Variants in HDAC9 observed in about 807,000 individuals in gnomAD.
HDAC9 encodes the protein MEF-2 interacting transcription repressor (MITR) protein.
Under a neutral mutation model 139.4 loss-of-function variants are expected in HDAC9, and 41 were observed. The observed-to-expected ratio is 0.29, with a 90% confidence interval of 0.23 to 0.38. The LOEUF (loss-of-function observed/expected upper bound fraction) is 0.38. HDAC9 is among the 10% of genes least tolerant of loss of function. HDAC9 has a pLI of 1.00. For synonymous variants in HDAC9, 517 were observed against 476.2 expected (o/e 1.09, Z -1.12); for missense variants, 1,147 against 1,297.0 (o/e 0.88, Z 1.78).
chr7:18,817,802 C>T (rs1327627437), intron 17 of HDAC9, among the ~76,000 whole-genome samples: 1 of 152,122 alleles, frequency 6.6e-6, no homozygotes, highest in African/African-American at 2.4e-5. Context: ...GTTCTGGCTG[C>T]TTTCAACCCT....
intron 21 of HDAC9, among the ~76,000 whole-genome samples, chr7:18,869,659 G>GGACACCCAGCA (rs1166898011): frequency 4.6e-5 from 7 of 152,136 alleles, no homozygotes; most frequent in African/African-American, 1.7e-4. Context: ...CTGAATTGGA[G>GGACACCCAGCA]GACACCCAGC....
At chr7:18,405,877 G>A (rs948666989) in intron 1 of HDAC9, among the ~76,000 whole-genome samples, 3 of 152,286 alleles carry the variant, frequency 2.0e-5, no homozygotes, top group Non-Finnish European at 4.4e-5. Context: ...CTGCTTAGTT[G>A]CCTGTGGTTT....
intron 2 of HDAC9, among the ~76,000 whole-genome samples, chr7:18,534,248 A>G (rs886509554): frequency 7.2e-5 from 11 of 152,154 alleles, no homozygotes; most frequent in Admixed American, 1.3e-4. Flanking sequence ...GTTTGTGTGT[A>G]TGTGGTTAGA....
At chr7:18,906,313 T>A (rs1023059824) in intron 22 of HDAC9, among the ~76,000 whole-genome samples, 1 of 151,996 alleles carries the variant, frequency 6.6e-6, no homozygotes, top group Non-Finnish European at 1.5e-5. Context: ...CCTGGCTAAT[T>A]TTTGTATTTT....
intron 22 of HDAC9, among the ~76,000 whole-genome samples, chr7:18,885,333 G>C (rs966340255): frequency 3.3e-5 from 5 of 152,174 alleles, no homozygotes; most frequent in African/African-American, 1.2e-4. Context: ...TATAATACCT[G>C]CCAGTGATGT....
At chr7:18,583,157 T>C (rs1350206067) in intron 2 of HDAC9, among the ~76,000 whole-genome samples, 5 of 152,206 alleles carry the variant, frequency 3.3e-5, no homozygotes, top group Non-Finnish European at 7.3e-5. Flanking sequence ...CTACTTACTA[T>C]TGATGGTTTA....
intron 1 of HDAC9, among the ~76,000 whole-genome samples, chr7:18,482,324 ACT>A (rs1795619426): frequency 7.3e-6 from 1 of 136,198 alleles, no homozygotes; most frequent in South Asian, 2.6e-4. Flanking sequence ...CAGGAGAATC[ACT>A]TCAGCCTAGG....
chr7:18,414,025 A>G (rs1585726560), intron 1 of HDAC9, among the ~76,000 whole-genome samples: 1 of 152,304 alleles, frequency 6.6e-6, no homozygotes, highest in East Asian at 1.9e-4. Flanking sequence ...TCAGAAGGAA[A>G]TTAGAAGGCC....
chr7:18,642,066 T>C (rs185264261), intron 8 of HDAC9, among the ~76,000 whole-genome samples: 1 of 152,214 alleles, frequency 6.6e-6, no homozygotes, highest in Admixed American at 6.5e-5. Flanking sequence ...TTATCTGTAA[T>C]CCAAGGAGAT....
At chr7:18,643,408 A>G (rs912848104) in intron 8 of HDAC9, among the ~76,000 whole-genome samples, 8 of 152,142 alleles carry the variant, frequency 5.3e-5, no homozygotes, top group Non-Finnish European at 1.2e-4. Context: ...TCCTTTAAGA[A>G]GTAACAAAAT....
chr7:18,742,557 G>A (rs751642821), intron 13 of HDAC9, among the ~76,000 whole-genome samples: 1 of 152,000 alleles, frequency 6.6e-6, no homozygotes, highest in South Asian at 2.1e-4. Flanking sequence ...TGCTTTATTC[G>A]GATGATTTGG....
At chr7:18,782,968 A>T (rs759818588) in intron 16 of HDAC9, among the ~76,000 whole-genome samples, 2 of 152,110 alleles carry the variant, frequency 1.3e-5, no homozygotes, top group Admixed American at 1.3e-4. Context: ...AATGTCAATG[A>T]TGTCCTTGCC....
At chr7:18,720,293 A>C (rs900676120) in intron 12 of HDAC9, among the ~76,000 whole-genome samples, 1 of 151,806 alleles carries the variant, frequency 6.6e-6, no homozygotes, top group African/African-American at 2.4e-5. Flanking sequence ...TATTTTCTTA[A>C]AGTTTGCATT....
intron 18 of HDAC9, 86 bp from the exon 19 acceptor site, chr7:18,829,375 A>C: frequency 8.5e-7 from 1 of 1,176,788 alleles, no homozygotes; most frequent in Non-Finnish European, 1.3e-6. Flanking sequence ...ATCATATAGC[A>C]TTTAAAAAAA....
In HDAC9 at chr7:18,997,044, C is replaced by T. The variant is rs139547001; in HGVS notation, c.*982C>T. On this transcript the variant is annotated 3_prime_UTR_variant, in exon 26 of 26. Transcript: ENST00000686413. Reference sequence around the variant, plus strand: ...TCTTACCTTTCATCATTCATTCCTTCCTTTAGAAAAACTGAAGATTACCCA... The same window carrying T: ...TCTTACCTTTCATCATTCATTCCTTTCTTTAGAAAAACTGAAGATTACCCA... 1 of 152,180 alleles carries T rather than the reference C, an allele frequency of 6.6e-6. No individual in the cohort carries two copies. Among genetic ancestry groups the T allele is most frequent in the African/African-American group, 2.4e-5 (1 of 41,470 alleles). The allele number at this position is 152,180 out of a possible 1,614,324, so 9.4% of individuals were successfully genotyped here.
At chr7:18,448,163 C>T (rs533257267) in intron 1 of HDAC9, among the ~76,000 whole-genome samples, 6 of 152,220 alleles carry the variant, frequency 3.9e-5, no homozygotes, top group South Asian at 2.1e-4. Flanking sequence ...CCATGCCTGG[C>T]GATCTGGAGG....
chr7:18,290,204 A>G (rs1361942877), upstream of HDAC9: 6 of 276,698 alleles, frequency 2.2e-5, no homozygotes, highest in East Asian at 1.6e-4. Flanking sequence ...TATTAATAGT[A>G]ATAAAATGTT....
At chr7:18,556,581 T>C (rs1322670449) in intron 2 of HDAC9, among the ~76,000 whole-genome samples, 1 of 151,944 alleles carries the variant, frequency 6.6e-6, no homozygotes, top group East Asian at 1.9e-4. Context: ...AGCTCTTTAA[T>C]TAAGTTCACT....
At chr7:18,163,615 C>G (rs1787809365) in intron 2 of HDAC9, among the ~76,000 whole-genome samples, 1 of 152,138 alleles carries the variant, frequency 6.6e-6, no homozygotes, top group Non-Finnish European at 1.5e-5. Context: ...TCACCCCATC[C>G]CCTACCAGCC....
Sources: allele counts gnomAD v4.1 joint callset (sites outside exome capture counted in the v4.1 genomes callset), GRCh38; gene constraint gnomAD v4.1.1; transcripts MANE v1.5; gene names NCBI Gene and HGNC (gene_info 2026-07-23, HGNC 2026-07-21).